Variants in TNNI3K observed in about 807,000 individuals in gnomAD.
The protein encoded by TNNI3K is serine/threonine-protein kinase TNNI3K.
TNNI3K carries 140 observed loss-of-function variants against 114.5 expected under a neutral mutation model. The ratio of observed to expected loss-of-function variants is 1.22; its 90% CI spans 1.07 to 1.41. TNNI3K has a LOEUF of 1.41. Among genes scored for constraint, TNNI3K ranks in the 40% most tolerant of loss-of-function variants. The pLI is 0.00. For synonymous variants in TNNI3K, 347 were observed against 347.5 expected (o/e 1.00, Z 0.02); for missense variants, 1,125 against 1,007.6 (o/e 1.12, Z -1.58).
chr1:74,338,448 T>G (rs1253095286), intron 7 of TNNI3K, among the ~76,000 whole-genome samples: 1 of 152,038 alleles, frequency 6.6e-6, no homozygotes, highest in Non-Finnish European at 1.5e-5. Context: ...TGACAAAAAT[T>G]CACTCAGAGT....
At chr1:74,393,084 CAGTGTGCTGAGAGG>C (rs1160628628) in intron 17 of TNNI3K, among the ~76,000 whole-genome samples, 16 of 152,264 alleles carry the variant, frequency 1.1e-4, no homozygotes, top group Middle Eastern at 6.8e-3. Flanking sequence ...TAGCAGAAAG[CAGTGTGCTGAGAGG>C]AGTGAAGGTA....
chr1:74,464,677 A>G, intron 21 of TNNI3K: 4 of 1,597,494 alleles, frequency 2.5e-6, no homozygotes, highest in Non-Finnish European at 3.4e-6. Flanking sequence ...ATCTGTGTAC[A>G]CAGAAACTCT....
chr1:74,284,223 C>T (rs1570416812), intron 5 of TNNI3K, among the ~76,000 whole-genome samples: 1 of 152,122 alleles, frequency 6.6e-6, no homozygotes, highest in Non-Finnish European at 1.5e-5. Context: ...TAGACAGTGG[C>T]CTTTGAGTAT....
intron 4 of TNNI3K, among the ~76,000 whole-genome samples, chr1:74,253,909 C>T (rs1388879942): frequency 1.3e-5 from 2 of 152,230 alleles, no homozygotes; most frequent in African/African-American, 2.4e-5. Context: ...GCTGTCACCT[C>T]TTAGTTGTTC....
chr1:74,324,566 C>T (rs1473923284), intron 5 of TNNI3K, among the ~76,000 whole-genome samples: 1 of 152,060 alleles, frequency 6.6e-6, no homozygotes, highest in Non-Finnish European at 1.5e-5. Flanking sequence ...CCTTTGTGCT[C>T]CCATAAACCT....
chr1:74,322,929 C>T (rs914348429), intron 5 of TNNI3K, among the ~76,000 whole-genome samples: 1 of 152,160 alleles, frequency 6.6e-6, no homozygotes, highest in African/African-American at 2.4e-5. Flanking sequence ...TCAATCCATA[C>T]AGTTTTCCTA....
intron 2 of TNNI3K, among the ~76,000 whole-genome samples, chr1:74,248,372 C>T (rs1362510613): frequency 6.6e-6 from 1 of 152,138 alleles, no homozygotes; most frequent in Non-Finnish European, 1.5e-5. Context: ...CAGTGTCAGG[C>T]TGAAGGGCTC....
chr1:74,533,096 A>T (rs1448669961), intron 23 of TNNI3K, among the ~76,000 whole-genome samples: 2 of 152,250 alleles, frequency 1.3e-5, no homozygotes, highest in Non-Finnish European at 2.9e-5. Context: ...GCTTCTGCAC[A>T]GCAAAAGAAA....
intron 4 of TNNI3K, among the ~76,000 whole-genome samples, chr1:74,256,848 C>A (rs1388814747): frequency 6.6e-6 from 1 of 151,986 alleles, no homozygotes; most frequent in Admixed American, 6.5e-5. Context: ...ACATTTATAT[C>A]TTTTAAAGAA....
intron 1 of TNNI3K, 80 bp downstream of exon 1, chr1:74,235,571 A>G: frequency 1.3e-6 from 1 of 772,448 alleles, no homozygotes; most frequent in Non-Finnish European, 2.1e-6. Flanking sequence ...ACTCATTGGA[A>G]TATGTGTTAA....
At chr1:74,340,935 G>A (rs1022841300) in intron 7 of TNNI3K, among the ~76,000 whole-genome samples, 2 of 152,092 alleles carry the variant, frequency 1.3e-5, no homozygotes, top group African/African-American at 2.4e-5. Context: ...AGATTCAAAG[G>A]TTTGTTTGTA....
chr1:74,429,994 T>C (rs1329359262), intron 17 of TNNI3K, among the ~76,000 whole-genome samples: 2 of 152,122 alleles, frequency 1.3e-5, no homozygotes, highest in African/African-American at 4.8e-5. Context: ...GCCCTTACAC[T>C]AGTTTTTGTT....
At chr1:74,536,794 C>T (rs1282938249) in intron 23 of TNNI3K, among the ~76,000 whole-genome samples, 1 of 152,134 alleles carries the variant, frequency 6.6e-6, no homozygotes, top group African/African-American at 2.4e-5. Flanking sequence ...AAATTGAGTG[C>T]TTTCCTTACC....
rs115125250 is a variant in TNNI3K at position 74,395,180 on chromosome 1, C to T, written c.1772+24788C>T. Among the ~76,000 whole-genome samples, 489 of 152,220 alleles carry T rather than the reference C, an allele frequency of 3.2e-3. 6 individuals carry two copies. Among genetic ancestry groups the T allele is most frequent in the African/African-American group, 0.011 (453 of 41,520 alleles). ...TACAAGCAATTTAGGGGATAAATTG[C>T]TTGTTGTAACCATGCTGGGGGTGCC... On this transcript the variant is annotated intron_variant, in intron 17 of 24. Transcript: ENST00000326637.
rs192627692 is a variant in TNNI3K at position 74,404,588 on chromosome 1, G to A, written c.1773-31492G>A. ...CACTCCTGAGTTTCTGATTCAGTAC[G>A]TATTAGTTGGGGCCAAAATATTGTA... On this transcript the variant is annotated intron_variant, in intron 17 of 24. Transcript: ENST00000326637. Among the ~76,000 whole-genome samples, 6 of 152,276 alleles carry A rather than the reference G, an allele frequency of 3.9e-5. No homozygotes were observed. The South Asian group carries it at 1.0e-3, about 26-fold the overall frequency.
At chr1:74,254,421 A>G (rs756343883) in intron 4 of TNNI3K, among the ~76,000 whole-genome samples, 1 of 152,100 alleles carries the variant, frequency 6.6e-6, no homozygotes, top group Non-Finnish European at 1.5e-5. Flanking sequence ...ACAATCATGC[A>G]TTTTCAGTTT....
At chr1:74,482,098 G>A (rs1482838690) in intron 21 of TNNI3K, among the ~76,000 whole-genome samples, 6 of 152,102 alleles carry the variant, frequency 3.9e-5, no homozygotes, top group South Asian at 4.2e-4. Context: ...TGGCCAGTTC[G>A]GCATTTTGTT....
At chr1:74,307,592 C>A (rs529471120) in intron 5 of TNNI3K, among the ~76,000 whole-genome samples, 11 of 152,210 alleles carry the variant, frequency 7.2e-5, no homozygotes, top group South Asian at 2.1e-4. Context: ...TTTTAACCAT[C>A]CTAAATATAT....
chr1:74,393,920 G>A (rs1273925766), intron 17 of TNNI3K, among the ~76,000 whole-genome samples: 2 of 152,156 alleles, frequency 1.3e-5, no homozygotes, highest in African/African-American at 2.4e-5. Flanking sequence ...GACAGGAGGC[G>A]GAGCTCAGGT....
Sources: gnomAD v4.1 joint callset for allele counts (sites outside exome capture counted in the v4.1 genomes callset) on GRCh38, gnomAD v4.1.1 for gene constraint, MANE v1.5 for transcripts, NCBI Gene and HGNC (gene_info 2026-07-23, HGNC 2026-07-21) for gene names.